NCAM2: variants seen among roughly 807,000 people sequenced by gnomAD.
The protein encoded by NCAM2 is N-CAM-2.
NCAM2 carries 30 observed loss-of-function variants against 98.1 expected under a neutral mutation model. The ratio of observed to expected loss-of-function variants is 0.31; its 90% CI spans 0.23 to 0.41. The LOEUF (loss-of-function observed/expected upper bound fraction) is 0.41. Ranked by LOEUF, NCAM2 falls within the 10% of genes least tolerant of loss-of-function variation. The pLI is 1.00. For missense variants in NCAM2, 867 were observed against 1,005.8 expected (o/e 0.86, Z 1.87); for synonymous variants, 368 against 342.4 (o/e 1.07, Z -0.83).
Position 21,479,574 on chromosome 21 carries a change from A to G in NCAM2, c.2077+2103A>G, listed in dbSNP as rs546495619. Among the ~76,000 whole-genome samples, 716 of 129,306 alleles carry G rather than the reference A, an allele frequency of 5.5e-3. 6 individuals carry two copies. The highest frequency in any genetic ancestry group is 0.021 in the African/African-American group (690 of 32,830). The allele number at this position is 129,306 out of a possible 152,430, so 84.8% of individuals were successfully genotyped here. ...ACTCCAGCCTGGGAGACAGAGCGAG[A>G]CTGCGTCTCAAAAAAAAAAAAAAAA... On this transcript the variant is annotated intron_variant, in intron 15 of 17. Coordinates refer to ENST00000400546, the MANE Select transcript of NCAM2 (RefSeq NM_004540.5).
intron 1 of NCAM2, among the ~76,000 whole-genome samples, chr21:21,179,788 A>G (rs2068410605): frequency 6.6e-6 from 1 of 152,246 alleles, no homozygotes; most frequent in South Asian, 2.1e-4. Context: ...TGTAAACTGC[A>G]GTGTCAGACA....
At chr21:21,211,411 G>A (rs2826737) in intron 1 of NCAM2, among the ~76,000 whole-genome samples, 80,429 of 151,992 alleles carry the variant, frequency 0.53, 21,381 homozygotes, top group South Asian at 0.62. Flanking sequence ...ACTCTAGTCC[G>A]ATTCAAATCT....
rs1286469562 is a variant in NCAM2 at position 21,542,160 on chromosome 21, T to TA, written c.*4208dup. ...ATTTTATGTCCAAATGAGAAATTTA[T>TA]AAAAAGACCCACATATAGTAGTTGC... On this transcript the variant is annotated 3_prime_UTR_variant, in exon 18 of 18. Transcript: ENST00000400546. The TA allele has an allele frequency of 6.6e-6, 1 of 151,838 alleles. No individual in the cohort carries two copies. The highest frequency in any genetic ancestry group is 1.5e-5 in the Non-Finnish European group (1 of 67,824). 9.4% of individuals were successfully genotyped at this position (151,838 alleles called of 1,614,324 possible). A position where few individuals can be genotyped will look rare whatever the true frequency, so the allele number is the denominator to read the frequency against.
intron 12 of NCAM2, among the ~76,000 whole-genome samples, chr21:21,437,533 AT>A (rs1978563865): frequency 1.5e-5 from 2 of 134,694 alleles, no homozygotes; most frequent in South Asian, 4.5e-4. Flanking sequence ...CATTCTAAGG[AT>A]ATTAACGGTC....
At chr21:21,242,716 C>T (rs1290034201) in intron 1 of NCAM2, among the ~76,000 whole-genome samples, 1 of 152,138 alleles carries the variant, frequency 6.6e-6, no homozygotes, top group Non-Finnish European at 1.5e-5. Flanking sequence ...ACCACATTGT[C>T]TTTATCCATC....
intron 1 of NCAM2, among the ~76,000 whole-genome samples, chr21:21,236,712 G>C (rs1257794373): frequency 6.6e-6 from 1 of 151,570 alleles, no homozygotes; most frequent in African/African-American, 2.4e-5. Context: ...TAACTTCATA[G>C]GTCCTCTCTC....
chr21:21,514,484 A>C lies in NCAM2; in HGVS notation c.2282+5429A>C, dbSNP rs200007883. On this transcript the variant is annotated intron_variant, in intron 16 of 17. Coordinates refer to ENST00000400546, the MANE Select transcript of NCAM2 (RefSeq NM_004540.5). ...TTGTCTCAAAAAACAAAAAAAAAAA[A>C]AAAAAAAAAAAAATGTTTTCTCTGG... Among the ~76,000 whole-genome samples the C allele has an allele frequency of 0.015, 2,183 of 148,534 alleles. 90 individuals carry two copies. In the East Asian group the frequency reaches 0.16, roughly 11 times the overall value.
intron 12 of NCAM2, among the ~76,000 whole-genome samples, chr21:21,435,346 T>C (rs1283752554): frequency 6.6e-6 from 1 of 152,148 alleles, no homozygotes; most frequent in African/African-American, 2.4e-5. Context: ...ATCATATCTC[T>C]CCTCTCATCT....
intron 16 of NCAM2, among the ~76,000 whole-genome samples, chr21:21,519,734 C>A (rs1321087234): frequency 2.6e-5 from 4 of 151,944 alleles, no homozygotes; most frequent in Non-Finnish European, 4.4e-5. Flanking sequence ...CAGCTCTTTT[C>A]AAAAATGTAG....
intron 12 of NCAM2, among the ~76,000 whole-genome samples, chr21:21,437,297 T>C (rs1048540648): frequency 6.6e-6 from 1 of 152,126 alleles, no homozygotes; most frequent in Non-Finnish European, 1.5e-5. Context: ...CAGAAGACTT[T>C]ACTGTAATTC....
chr21:21,363,833 G>A (rs993753691), intron 8 of NCAM2, among the ~76,000 whole-genome samples: 1 of 151,860 alleles, frequency 6.6e-6, no homozygotes, highest in African/African-American at 2.4e-5. Context: ...TCCTGATTTT[G>A]CTTAAAAAGC....
chr21:21,161,080 A>C (rs752375515), intron 1 of NCAM2, among the ~76,000 whole-genome samples: 1 of 151,956 alleles, frequency 6.6e-6, no homozygotes, highest in African/African-American at 2.4e-5. Flanking sequence ...TATCTAGCAC[A>C]CCTCTGCTAC....
At chr21:21,516,314 A>G (rs1402301552) in intron 16 of NCAM2, among the ~76,000 whole-genome samples, 1 of 152,210 alleles carries the variant, frequency 6.6e-6, no homozygotes, top group Non-Finnish European at 1.5e-5. Context: ...CCATTGAGAT[A>G]AAAATTAGTT....
intron 1 of NCAM2, among the ~76,000 whole-genome samples, chr21:21,239,965 C>T (rs1480310194): frequency 6.6e-6 from 1 of 152,012 alleles, no homozygotes; most frequent in Non-Finnish European, 1.5e-5. Flanking sequence ...CTTTCTCTGT[C>T]TCTCTCCCCC....
At chr21:21,311,230 G>C (rs1428547887) in intron 5 of NCAM2, among the ~76,000 whole-genome samples, 1 of 150,948 alleles carries the variant, frequency 6.6e-6, no homozygotes, top group Non-Finnish European at 1.5e-5. Context: ...ATATATTTTT[G>C]TTGTTGTTGT....
In NCAM2 at chr21:21,095,206, A is replaced by G. The variant is rs550747862; in HGVS notation, c.55+96588A>G. Among the ~76,000 whole-genome samples the G allele has an allele frequency of 3.3e-3, 503 of 151,864 alleles. 1 individual carries two copies. The highest frequency in any genetic ancestry group is 4.9e-3 in the Non-Finnish European group (331 of 67,710). On this transcript the variant is annotated intron_variant, in intron 1 of 17. Transcript: ENST00000400546. The stretch of plus-strand genomic sequence containing the variant: ...ATCAGCAAATTGATTCCTTCAATGC[A>G]TATGTGCTCCAGTTTAATTTTCATT...
At chr21:21,448,021 G>A (rs953117064) in intron 12 of NCAM2, among the ~76,000 whole-genome samples, 2 of 151,772 alleles carry the variant, frequency 1.3e-5, no homozygotes, top group African/African-American at 4.8e-5. Flanking sequence ...AAATATAACT[G>A]GACCCAGCAA....
chr21:21,519,976 A>G (rs1569135305), intron 16 of NCAM2, among the ~76,000 whole-genome samples: 1 of 152,158 alleles, frequency 6.6e-6, no homozygotes, highest in African/African-American at 2.4e-5. Flanking sequence ...GATCAGTGTC[A>G]TAGAGGATAG....
chr21:21,013,531 C>T lies in NCAM2; in HGVS notation c.55+14913C>T, dbSNP rs559862464. Among the ~76,000 whole-genome samples the T allele has an allele frequency of 7.2e-5, 11 of 152,246 alleles. No homozygotes were observed. In the East Asian group the frequency reaches 2.1e-3, roughly 30 times the overall value. On this transcript the variant is annotated intron_variant, in intron 1 of 17. Coordinates refer to ENST00000400546, the MANE Select transcript of NCAM2 (RefSeq NM_004540.5). ...ACGTGGTGGCTCACACCTGTAATTT[C>T]AGCACTTTTGGAGGCTGAAGTGGGC...
Sources: gnomAD v4.1 joint callset for allele counts (sites outside exome capture counted in the v4.1 genomes callset) on GRCh38, gnomAD v4.1.1 for gene constraint, MANE v1.5 for transcripts, NCBI Gene and HGNC (gene_info 2026-07-23, HGNC 2026-07-21) for gene names.